Variants in UVSSA observed in about 807,000 individuals in gnomAD.
The protein encoded by UVSSA is UV stimulated scaffold protein A, also known as UV-stimulated scaffold protein A.
In UVSSA, 72 loss-of-function variants were observed where a neutral mutation model predicts 73.9. The observed-to-expected ratio is 0.97, with a 90% CI of 0.81 to 1.19. The LOEUF (loss-of-function observed/expected upper bound fraction) is 1.19. Ranked by LOEUF, UVSSA falls within the 50% of genes most tolerant of loss-of-function variation. UVSSA has a pLI of 0.00. For synonymous variants in UVSSA, 454 were observed against 391.3 expected, an observed-to-expected ratio of 1.16 and a Z score of -1.89; for missense variants, 1,150 against 965.0, an observed-to-expected ratio of 1.19 and a Z score of -2.54.
At chr4:1,346,441 C>A (rs912811765), upstream of UVSSA, among the ~76,000 whole-genome samples, 1 of 152,228 alleles carries the variant, frequency 6.6e-6, no homozygotes, top group Non-Finnish European at 1.5e-5. Context: ...CGTCCGTCCG[C>A]AGCCGACCTC....
At chr4:1,384,025 T>C (rs1374488910) in intron 13 of UVSSA, 85 bp downstream of exon 13, 1 of 1,441,340 alleles carries the variant, frequency 6.9e-7, no homozygotes, top group African/African-American at 1.4e-5. Flanking sequence ...CGCCAAGATA[T>C]TCCAGGGACT....
At chr4:1,349,957 G>A in intron 3 of UVSSA, 103 bp downstream of exon 3, 1 of 1,163,226 alleles carries the variant, frequency 8.6e-7, no homozygotes, top group Non-Finnish European at 1.2e-6. Context: ...TAGCACAGCA[G>A]GGGCCTGCTT....
At position 1,360,628 on chromosome 4, in the gene UVSSA, C is replaced by G. The variant is rs74912696; in HGVS notation, c.1176+5383C>G. On this transcript the variant is annotated intron_variant, in intron 7 of 13. Transcript: ENST00000389851. ...GGCCCCTGTGGGCCCTGGCTGCACT[C>G]TCCTTCCCTGAGAAGGTCAGGCTGA... is the stretch of plus-strand genomic sequence containing the variant. Among the ~76,000 whole-genome samples the G allele has an allele frequency of 6.7e-4, 102 of 152,330 alleles. 2 individuals carry two copies. In the East Asian group the frequency reaches 0.018, roughly 27 times the overall value.
At chr4:1,374,212 A>C (rs1439081327) in intron 8 of UVSSA, among the ~76,000 whole-genome samples, 2 of 152,198 alleles carry the variant, frequency 1.3e-5, no homozygotes, top group African/African-American at 4.8e-5. Flanking sequence ...AGGGGAGGAC[A>C]GGCTCAAGTG....
intron 2 of UVSSA, among the ~76,000 whole-genome samples, chr4:1,348,962 C>T (rs895836630): frequency 1.3e-5 from 2 of 150,774 alleles, no homozygotes; most frequent in African/African-American, 4.9e-5. Flanking sequence ...GGGCGGTGTG[C>T]GTTGTGCCAG....
chr4:1,389,222 G>T (rs1175872887), downstream of UVSSA: 2 of 152,050 alleles, frequency 1.3e-5, no homozygotes, highest in Admixed American at 6.6e-5. Flanking sequence ...AACTGACAAG[G>T]TCTCACTCTG....
chr4:1,353,745 C>T (rs538558435), intron 5 of UVSSA, among the ~76,000 whole-genome samples: 1 of 152,288 alleles, frequency 6.6e-6, no homozygotes, highest in East Asian at 1.9e-4. Context: ...GGAGCACAGG[C>T]CTGACCTCCA....
At chr4:1,362,599 T>C (rs1193067082) in intron 7 of UVSSA, among the ~76,000 whole-genome samples, 1 of 152,198 alleles carries the variant, frequency 6.6e-6, no homozygotes. Flanking sequence ...GGATTCTTGC[T>C]CGTCCAGAGC....
rs34839757 is a variant in UVSSA, at chr4:1,371,256, C to CTGTGTGTGTGTG, written c.1289-4084_1289-4073dup. Among the ~76,000 whole-genome samples the CTGTGTGTGTGTG allele has an allele frequency of 2.0e-3, 287 of 146,616 alleles. 3 individuals carry two copies. In the South Asian group the frequency reaches 0.022, roughly 11 times the overall value. ...AGTGAGAGTACGTCTGTGGGTGGAC[C>CTGTGTGTGTGTG]TGTGTGTGTGTGTGTGTGTGTGTGT... On this transcript the variant is annotated intron_variant, in intron 8 of 13. Coordinates refer to ENST00000389851, the MANE Select transcript of UVSSA (RefSeq NM_020894.4).
At chr4:1,361,313 C>G (rs1381884811) in intron 7 of UVSSA, among the ~76,000 whole-genome samples, 2 of 152,228 alleles carry the variant, frequency 1.3e-5, no homozygotes, top group Admixed American at 6.5e-5. Flanking sequence ...CTGTCTGAGC[C>G]TCATTACTGG....
At chr4:1,395,975 A>G in exon 14 of UVSSA, 1 of 1,467,482 alleles carries the variant, frequency 6.8e-7, no homozygotes. Flanking sequence ...TGCTGATTAA[A>G]AGACAAACCT....
In UVSSA at chr4:1,349,799, G is replaced by T; in HGVS notation, c.374G>T (p.Gly125Val). 6.3e-7 allele frequency: 1 copy of T among 1,593,804 alleles called. No homozygotes were observed. The highest frequency in any genetic ancestry group is 2.2e-5 in the East Asian group (1 of 44,480). The stretch of plus-strand genomic sequence containing the variant: ...GTGGAAGGGTGGAATGAGAAGTTTG[G>T]GGAGGCCTACAAGAAGCTTGCCTTG... ...RAVEGWNEKFGEAYKKLALGY... is the reference protein window; with the variant it reads ...RAVEGWNEKFVEAYKKLALGY... Residue 125 changes from glycine to valine, a missense_variant, in exon 3 of 14, where the codon GGG becomes GTG. Transcript: ENST00000389851.
intron 8 of UVSSA, among the ~76,000 whole-genome samples, chr4:1,369,416 A>G (rs1287074543): frequency 6.6e-6 from 1 of 152,258 alleles, no homozygotes; most frequent in African/African-American, 2.4e-5. Flanking sequence ...CGGAGGGGCC[A>G]GCTCAGTTCA....
upstream of UVSSA, among the ~76,000 whole-genome samples, chr4:1,343,771 G>C (rs1713513676): frequency 1.3e-5 from 2 of 151,924 alleles, no homozygotes; most frequent in South Asian, 4.2e-4. Flanking sequence ...TGGGTGACAA[G>C]AGTGAAACTC....
chr4:1,376,059 CA>C lies in UVSSA; in HGVS notation c.1460del (p.Gln487ArgfsTer97). ...CCCCTCCAGAGCGTTGCCAGAGCCA[CA>C]GGAGGCCCAGAAGCTGGCAGCAGAG... ...ASPSRALPEP[Q>X]EAQKLAAERA... On this transcript the variant is annotated frameshift_variant, in exon 10 of 14. Coordinates refer to ENST00000389851, the MANE Select transcript of UVSSA (RefSeq NM_020894.4). LOFTEE classifies it high-confidence loss of function. The C allele has an allele frequency of 6.3e-7, 1 of 1,599,986 alleles. No individual in the cohort carries two copies.
intron 12 of UVSSA, among the ~76,000 whole-genome samples, chr4:1,381,749 G>A (rs1168285835): frequency 1.3e-5 from 2 of 150,194 alleles, no homozygotes; most frequent in African/African-American, 2.5e-5. Context: ...GTGCAGTGGC[G>A]CAGTCATGGC....
intron 2 of UVSSA, among the ~76,000 whole-genome samples, chr4:1,349,039 TGTGTTTGTG>T (rs1714210113): frequency 1.2e-4 from 6 of 50,886 alleles, no homozygotes; most frequent in African/African-American, 2.1e-4. Context: ...CCAGGCGGTG[TGTGTTTGTG>T]CCGGGCGGTT....
intron 5 of UVSSA, 105 bp downstream of exon 5, chr4:1,353,518 C>T: frequency 7.2e-7 from 1 of 1,394,754 alleles, no homozygotes; most frequent in Non-Finnish European, 9.4e-7. Flanking sequence ...GCAGGGGCCT[C>T]CCCTGGGGAG....
intron 4 of UVSSA, among the ~76,000 whole-genome samples, chr4:1,352,621 C>T (rs764695312): frequency 3.9e-5 from 6 of 152,356 alleles, no homozygotes; most frequent in Non-Finnish European, 7.3e-5. Context: ...CTTGCAGGCC[C>T]AGCTGCTGAG....
Sources: allele counts gnomAD v4.1 joint callset (sites outside exome capture counted in the v4.1 genomes callset), GRCh38; gene constraint gnomAD v4.1.1; transcripts MANE v1.5; gene names NCBI Gene and HGNC (gene_info 2026-07-23, HGNC 2026-07-21).